OSBPL3: variants seen among roughly 807,000 people sequenced by gnomAD.
OSBPL3 encodes the protein oxysterol binding protein like 3.
A neutral mutation model predicts 120.1 loss-of-function variants in OSBPL3; 65 were observed. The observed-to-expected ratio is 0.54, with a 90% CI of 0.44 to 0.67. The LOEUF (loss-of-function observed/expected upper bound fraction) is 0.67, where lower values mean the gene tolerates loss of function less well. OSBPL3 is among the 30% of genes least tolerant of loss of function. The probability of loss-of-function intolerance (pLI) is 0.00; values close to 1 mark genes in which losing one functional copy is unlikely to be tolerated. For missense variants in OSBPL3, 1,004 were observed against 1,082.1 expected, an observed-to-expected ratio of 0.93 and a Z score of 1.01; for synonymous variants, 416 against 402.6, an observed-to-expected ratio of 1.03 and a Z score of -0.40.
In OSBPL3 at chr7:24,938,801, G is replaced by C. The variant is rs754316135; in HGVS notation, c.-150+41085C>G. ...TTGATGTGTGTGTGTGTGTGTGTGT[G>C]TGTGTGTGTGTGTGTGTGTGTGTGT... On this transcript the variant is annotated intron_variant, in intron 1 of 22. Transcript: ENST00000313367. The surrounding 1 kb of genome is among the most constrained non-coding windows in gnomAD (Gnocchi z 5.8). Among the ~76,000 whole-genome samples, 2,418 of 150,268 alleles carry C rather than the reference G, an allele frequency of 0.016. 38 individuals are homozygous for C. The highest frequency in any genetic ancestry group is 0.045 in the Middle Eastern group (13 of 292).
At chr7:24,931,454 C>T (rs182708738) in intron 1 of OSBPL3, among the ~76,000 whole-genome samples, 72 of 151,878 alleles carry the variant, frequency 4.7e-4, no homozygotes, top group African/African-American at 1.7e-3. Flanking sequence ...TATAAGAGGG[C>T]GTCAGGAGAT....
chr7:24,861,323 T>C (rs1175963366), intron 10 of OSBPL3, among the ~76,000 whole-genome samples: 6 of 152,178 alleles, frequency 3.9e-5, no homozygotes, highest in Non-Finnish European at 7.3e-5. Context: ...GAAAATAATA[T>C]CATATTGCCC....
intron 1 of OSBPL3, among the ~76,000 whole-genome samples, chr7:24,901,930 T>C (rs1807087771): frequency 6.6e-6 from 1 of 152,176 alleles, no homozygotes; most frequent in Non-Finnish European, 1.5e-5. Flanking sequence ...AATAAATAAA[T>C]AACCAACCCA....
chr7:24,980,353 A>G (rs560228926), upstream of OSBPL3, among the ~76,000 whole-genome samples: 200 of 151,968 alleles, frequency 1.3e-3, no homozygotes, highest in African/African-American at 4.5e-3. Flanking sequence ...TGTCCTCGGA[A>G]GAAGCCAGCG....
At chr7:24,902,444 A>G (rs1807175585) in intron 1 of OSBPL3, among the ~76,000 whole-genome samples, 1 of 152,114 alleles carries the variant, frequency 6.6e-6, no homozygotes, top group Non-Finnish European at 1.5e-5. Flanking sequence ...CAACATGACT[A>G]TGTCTTGAAC....
In OSBPL3 at chr7:24,966,492, C is replaced by T. The variant is rs1252759363; in HGVS notation, c.-150+13394G>A. Among the ~76,000 whole-genome samples the T allele has an allele frequency of 1.3e-5, 2 of 152,294 alleles. No individual in the cohort carries two copies. The highest frequency in any genetic ancestry group is 2.9e-5 in the Non-Finnish European group (2 of 68,024). On this transcript the variant is annotated intron_variant, in intron 1 of 22. Transcript: ENST00000313367. The surrounding 1 kb of genome is among the most constrained non-coding windows in gnomAD (Gnocchi z 4.8). ...CAAGCTGGAATGTTATTTTGCCCCACGCGATCAAAGACTAGAAAAACAGGA... is the reference window on the plus strand; with the variant it reads ...CAAGCTGGAATGTTATTTTGCCCCATGCGATCAAAGACTAGAAAAACAGGA...
rs866589674 is a variant in OSBPL3 at position 24,939,856 on chromosome 7, G to A, written c.-150+40030C>T. Among the ~76,000 whole-genome samples, 1 of 152,154 alleles carries A rather than the reference G, an allele frequency of 6.6e-6. No individual in the cohort carries two copies. The highest frequency in any genetic ancestry group is 2.4e-5 in the African/African-American group (1 of 41,424). ...GTTAGGAGGGTGGGAGGAAAGAGGA[G>A]GGAGAGCATTAGGACAAATATCTAA... On this transcript the variant is annotated intron_variant, in intron 1 of 22. Transcript: ENST00000313367. The surrounding 1 kb of genome is among the most constrained non-coding windows in gnomAD (Gnocchi z 4.2).
intron 1 of OSBPL3, 37 bp downstream of exon 1, chr7:24,979,849 A>C (rs1818078600): frequency 1.1e-6 from 1 of 934,498 alleles, no homozygotes; most frequent in Non-Finnish European, 1.3e-6. Context: ...GCCCCCCGAC[A>C]CCCAGGCCCC....
intron 10 of OSBPL3, among the ~76,000 whole-genome samples, chr7:24,857,722 T>C (rs1800012560): frequency 6.6e-6 from 1 of 152,202 alleles, no homozygotes; most frequent in Admixed American, 6.5e-5. Flanking sequence ...AGGATGTTAA[T>C]AGCTGTTGGG....
chr7:24,830,906 C>G lies in OSBPL3; in HGVS notation c.1747-1G>C. The G allele has an allele frequency of 1.9e-6, 3 of 1,598,752 alleles. No homozygotes were observed. The highest frequency in any genetic ancestry group is 1.7e-6 in the Non-Finnish European group (2 of 1,175,708). On this transcript the variant is annotated splice_acceptor_variant, in intron 15 of 22. Coordinates refer to ENST00000313367, the MANE Select transcript of OSBPL3 (RefSeq NM_015550.4). LOFTEE classifies it high-confidence loss of function. The surrounding 1 kb of genome is among the most constrained non-coding windows in gnomAD (Gnocchi z 4.4). ...ATATGGCAAAGGCTGCCACATATACCTAAGGACAAGAGAAAAGAACTTTGT... is the reference window on the plus strand; with the variant it reads ...ATATGGCAAAGGCTGCCACATATACGTAAGGACAAGAGAAAAGAACTTTGT...
Position 24,952,780 on chromosome 7 carries a change from A to G in OSBPL3, c.-150+27106T>C, listed in dbSNP as rs184013042. ...GAATCTATAAACAAGAGTACCATCA[A>G]GGTTCCCAGATTTAAAATATTTCCC... On this transcript the variant is annotated intron_variant, in intron 1 of 22. Coordinates refer to ENST00000313367, the MANE Select transcript of OSBPL3 (RefSeq NM_015550.4). The surrounding 1 kb of genome is among the most constrained non-coding windows in gnomAD (Gnocchi z 4.4). 5.3e-5 allele frequency among the ~76,000 whole-genome samples: 8 copies of G among 152,334 alleles called. No homozygotes were observed. The East Asian group carries it at 1.5e-3, about 29-fold the overall frequency.
chr7:24,828,622 GAA>G lies in OSBPL3; in HGVS notation c.1884+2144_1884+2145del, dbSNP rs544011465. ...ACTCTGTCTGAAAAAAAAAAAAAAA[GAA>G]AAAAAAAAAAAAGGCATCGTAGAAG... On this transcript the variant is annotated intron_variant, in intron 16 of 22. Coordinates refer to ENST00000313367, the MANE Select transcript of OSBPL3 (RefSeq NM_015550.4). Among the ~76,000 whole-genome samples, 6 of 79,892 alleles carry G rather than the reference GAA, an allele frequency of 7.5e-5. No homozygotes were observed. In the East Asian group the frequency reaches 1.3e-3, roughly 17 times the overall value. 52.4% of individuals were successfully genotyped at this position (79,892 alleles called of 152,430 possible).
intron 1 of OSBPL3, among the ~76,000 whole-genome samples, chr7:24,961,833 T>C (rs1222463723): frequency 6.6e-6 from 1 of 152,232 alleles, no homozygotes; most frequent in Non-Finnish European, 1.5e-5. Flanking sequence ...ATACAATAAA[T>C]GAGTATAACT....
intron 1 of OSBPL3, among the ~76,000 whole-genome samples, chr7:24,935,369 C>A (rs1330591866): frequency 3.3e-5 from 5 of 152,060 alleles, no homozygotes; most frequent in African/African-American, 1.2e-4. Flanking sequence ...CAGAAACTCA[C>A]CAATTTTTAC....
At chr7:24,838,672 T>A (rs1194487815) in intron 14 of OSBPL3, among the ~76,000 whole-genome samples, 3 of 152,216 alleles carry the variant, frequency 2.0e-5, no homozygotes, top group African/African-American at 4.8e-5. Context: ...CCATTAACTT[T>A]GTGCTTCCTA....
chr7:24,810,263 G>A (rs1255803970), intron 19 of OSBPL3: 2 of 209,878 alleles, frequency 9.5e-6, no homozygotes, highest in African/African-American at 2.3e-5. Flanking sequence ...GGTGGCTCAC[G>A]CCTGTAATCC....
At chr7:24,814,640 C>A (rs1341641919) in intron 19 of OSBPL3, among the ~76,000 whole-genome samples, 1 of 152,100 alleles carries the variant, frequency 6.6e-6, no homozygotes, top group East Asian at 1.9e-4. Context: ...ACACTAATTC[C>A]CCCTTCCTCC....
At position 24,959,538 on chromosome 7, in the gene OSBPL3, A is replaced by G. The variant is rs1344417937; in HGVS notation, c.-150+20348T>C. On this transcript the variant is annotated intron_variant, in intron 1 of 22. Transcript: ENST00000313367. The surrounding 1 kb of genome is among the most constrained non-coding windows in gnomAD (Gnocchi z 4.3). The stretch of plus-strand genomic sequence containing the variant: ...TTACAAATCAGGATGGAAATTACCC[A>G]TTGCGGGTAGGGATAGCGACTTCGG... Among the ~76,000 whole-genome samples, 2 of 152,184 alleles carry G rather than the reference A, an allele frequency of 1.3e-5. No homozygotes were observed. The highest frequency in any genetic ancestry group is 4.8e-5 in the African/African-American group (2 of 41,446).
intron 1 of OSBPL3, among the ~76,000 whole-genome samples, chr7:24,942,486 C>T (rs1485373554): frequency 2.0e-5 from 3 of 152,160 alleles, no homozygotes; most frequent in African/African-American, 7.2e-5. Context: ...GCATTCCACG[C>T]TGATCACCAG....
Sources: gnomAD v4.1 joint callset for allele counts (sites outside exome capture counted in the v4.1 genomes callset) on GRCh38, gnomAD v4.1.1 for gene constraint, Gnocchi (gnomAD v3.1) non-coding constraint, MANE v1.5 for transcripts, NCBI Gene and HGNC (gene_info 2026-07-23, HGNC 2026-07-21) for gene names.